ARHGEF4: variants seen among roughly 807,000 people sequenced by gnomAD.
The protein encoded by ARHGEF4 is Rho guanine nucleotide exchange factor 4.
In ARHGEF4, 119 loss-of-function variants were observed where a neutral mutation model predicts 162.0. The ratio of observed to expected loss-of-function variants is 0.73; its 90% confidence interval spans 0.63 to 0.86. The LOEUF is 0.86. Among genes scored for constraint, ARHGEF4 ranks in the 40% least tolerant of loss-of-function variants. ARHGEF4 has a pLI of 0.00. For synonymous variants in ARHGEF4, 1,014 were observed against 979.9 expected, an observed-to-expected ratio of 1.03 and a Z score of -0.65; for missense variants, 2,488 against 2,456.0, an observed-to-expected ratio of 1.01 and a Z score of -0.28.
intron 3 of ARHGEF4, among the ~76,000 whole-genome samples, chr2:130,934,687 C>T (rs1574258332): frequency 1.3e-5 from 2 of 152,124 alleles, no homozygotes; most frequent in African/African-American, 4.8e-5. Context: ...GGACTCCAGG[C>T]ATGCACTGCC....
At chr2:131,029,622 C>T (rs898984518) in intron 5 of ARHGEF4, among the ~76,000 whole-genome samples, 15 of 150,530 alleles carry the variant, frequency 1.0e-4, no homozygotes, top group Non-Finnish European at 1.9e-4. Context: ...ACAGTGGTCT[C>T]GGCTAACTGC....
chr2:130,929,120 G>A (rs1187039518), intron 2 of ARHGEF4, among the ~76,000 whole-genome samples: 2 of 152,284 alleles, frequency 1.3e-5, no homozygotes, highest in South Asian at 2.1e-4. Context: ...GAGGCAAGTC[G>A]CTTAAGTTCT....
At chr2:130,960,073 A>G (rs767841156) in intron 4 of ARHGEF4, among the ~76,000 whole-genome samples, 3 of 152,232 alleles carry the variant, frequency 2.0e-5, no homozygotes, top group Non-Finnish European at 2.9e-5. Flanking sequence ...CACAATATAT[A>G]TACAGTCATG....
chr2:131,007,871 G>GCACGAT (rs1688227447), intron 4 of ARHGEF4, among the ~76,000 whole-genome samples: 1 of 134,904 alleles, frequency 7.4e-6, no homozygotes, highest in Non-Finnish European at 1.5e-5. Context: ...GAGTGCAATG[G>GCACGAT]CACGATCTCA....
intron 4 of ARHGEF4, among the ~76,000 whole-genome samples, chr2:130,955,924 C>G (rs879409193): frequency 1.3e-5 from 2 of 152,182 alleles, no homozygotes; most frequent in Admixed American, 6.5e-5. Context: ...TCTCCATGCT[C>G]TGTTACAAAC....
At chr2:130,974,376 A>C (rs1685560462) in intron 4 of ARHGEF4, among the ~76,000 whole-genome samples, 1 of 152,074 alleles carries the variant, frequency 6.6e-6, no homozygotes, top group Admixed American at 6.5e-5. Flanking sequence ...CTTGCCCTAC[A>C]GGTTTTATTT....
intron 2 of ARHGEF4, among the ~76,000 whole-genome samples, chr2:130,920,433 T>C (rs1681802853): frequency 1.3e-5 from 2 of 152,160 alleles, no homozygotes; most frequent in South Asian, 2.1e-4. Context: ...GTATTCCTCT[T>C]TATGTTTCAT....
rs932195132 is a variant in ARHGEF4, at chr2:130,916,558, C to T, written c.2612C>T (p.Pro871Leu). 6 of 1,550,124 alleles carry T rather than the reference C, an allele frequency of 3.9e-6. No individual in the cohort carries two copies. The African/African-American group carries it at 8.2e-5, about 21-fold the overall frequency. Residue 871 changes from proline to leucine, a missense_variant, in exon 2 of 14, where the codon CCG (proline) becomes CTG (leucine). By Grantham distance (98) the Pro-to-Leu change is moderately conservative. Transcript: ENST00000409359. ...GCTGCAGGCGACAGGACTGCAGGGC[C>T]GGCAGGAGCGGGGCACACGGGGACC... ...PQAAGDRTAGPAGAGHTGTSG... is the reference protein window; with the variant it reads ...PQAAGDRTAGLAGAGHTGTSG...
At chr2:130,970,060 T>A (rs535600618) in intron 4 of ARHGEF4, among the ~76,000 whole-genome samples, 1 of 152,338 alleles carries the variant, frequency 6.6e-6, no homozygotes, top group East Asian at 1.9e-4. Flanking sequence ...CTCAGATTGT[T>A]CCTACTTTTA....
intron 1 of ARHGEF4, among the ~76,000 whole-genome samples, chr2:130,872,241 G>A (rs1035032711): frequency 1.3e-5 from 2 of 152,212 alleles, no homozygotes; most frequent in Non-Finnish European, 2.9e-5. Flanking sequence ...AAGCTTCAGG[G>A]AGCTGGCAGA....
chr2:130,886,124 T>A (rs1481342107), intron 1 of ARHGEF4, among the ~76,000 whole-genome samples: 1 of 152,050 alleles, frequency 6.6e-6, no homozygotes, highest in Non-Finnish European at 1.5e-5. Flanking sequence ...GAAATTATAT[T>A]CATTGGTTTT....
At position 131,046,768 on chromosome 2, in the gene ARHGEF4, G is replaced by C. The variant is rs573998094; in HGVS notation, c.*579G>C. 1.2e-4 allele frequency: 18 copies of C among 153,082 alleles called. No individual in the cohort carries two copies. Among genetic ancestry groups the C allele is most frequent in the Admixed American group, 1.2e-3 (18 of 15,312 alleles). 9.5% of individuals were successfully genotyped at this position (153,082 alleles called of 1,614,324 possible). A position where few individuals can be genotyped will look rare whatever the true frequency, so the allele number is the denominator to read the frequency against. ...TCGCCTCCCAGCCCCTCAAGACACC[G>C]CTGGCTGCTGGACACCCTCTTCACT... On this transcript the variant is annotated 3_prime_UTR_variant, in exon 14 of 14. Coordinates refer to ENST00000409359, the MANE Select transcript of ARHGEF4 (RefSeq NM_001367493.1).
Position 131,046,793 on chromosome 2 carries a change from TTGTG to T in ARHGEF4, c.*616_*619del, listed in dbSNP as rs148609479. On this transcript the variant is annotated 3_prime_UTR_variant, in exon 14 of 14. Transcript: ENST00000409359. ...GCTGGCTGCTGGACACCCTCTTCAC[TTGTG>T]TGTGTGTGTGTAGCGGAAAAGGACA... 3 of 152,206 alleles carry T rather than the reference TTGTG, an allele frequency of 2.0e-5. No individual in the cohort carries two copies. Among genetic ancestry groups the T allele is most frequent in the East Asian group, 1.9e-4 (1 of 5,170 alleles). The allele number at this position is 152,206 out of a possible 1,614,324, so 9.4% of individuals were successfully genotyped here.
chr2:130,979,865 G>A (rs531395308), intron 4 of ARHGEF4, among the ~76,000 whole-genome samples: 2 of 151,716 alleles, frequency 1.3e-5, no homozygotes, highest in African/African-American at 2.4e-5. Flanking sequence ...TTCAGGTAGC[G>A]AAAATTATAA....
In ARHGEF4 at chr2:130,978,998, C is replaced by T. The variant is rs537745810; in HGVS notation, c.3985+32363C>T. On this transcript the variant is annotated intron_variant, in intron 4 of 13. Coordinates refer to ENST00000409359, the MANE Select transcript of ARHGEF4 (RefSeq NM_001367493.1). ...CAAAGTTATCAGAAACCTGCACTCA[C>T]GAGTCCTTTTCAAGAACTCCTCCAA... is the stretch of plus-strand genomic sequence containing the variant. Among the ~76,000 whole-genome samples, 17 of 152,284 alleles carry T rather than the reference C, an allele frequency of 1.1e-4. 1 individual carries two copies. In the South Asian group the frequency reaches 2.7e-3, roughly 24 times the overall value.
intron 3 of ARHGEF4, among the ~76,000 whole-genome samples, chr2:130,945,510 C>A (rs1209742595): frequency 1.3e-5 from 2 of 151,998 alleles, no homozygotes; most frequent in Admixed American, 6.6e-5. Context: ...AAATACACAT[C>A]CCTCATTCCC....
chr2:131,006,524 A>G (rs996463689), intron 4 of ARHGEF4, among the ~76,000 whole-genome samples: 2 of 152,224 alleles, frequency 1.3e-5, no homozygotes, highest in Non-Finnish European at 2.9e-5. Context: ...CCATTAGGGA[A>G]TGCCATCCAG....
Position 130,916,374 on chromosome 2 carries a change from A to C in ARHGEF4, c.2428A>C (p.Ser810Arg), listed in dbSNP as rs577790066. 8.5e-6 allele frequency: 13 copies of C among 1,535,178 alleles called. No individual in the cohort carries two copies. Among genetic ancestry groups the C allele is most frequent in the South Asian group, 4.8e-5 (4 of 82,880 alleles). Residue 810 changes from serine to arginine, a missense_variant, in exon 2 of 14, where the codon AGC becomes CGC. Around this residue, in one of 6 missense-constraint regions of ARHGEF4, gnomAD observed 1,642 missense variants for 1,481.5 expected, o/e 1.11. Transcript: ENST00000409359. ...FRKGRPLATE[S>R]PGGVPAPTTE... ...GAAGGGCAGGCCCTTGGCCACTGAGAGCCCAGGAGGGGTCCCGGCCCCGAC... is the reference window on the plus strand; with the variant it reads ...GAAGGGCAGGCCCTTGGCCACTGAGCGCCCAGGAGGGGTCCCGGCCCCGAC...
At chr2:130,856,209 A>C (rs1681774547) in intron 1 of ARHGEF4, among the ~76,000 whole-genome samples, 1 of 152,222 alleles carries the variant, frequency 6.6e-6, no homozygotes, top group South Asian at 2.1e-4. Context: ...CCAAATAGAA[A>C]TTAACCAAAT....
Sources: allele counts gnomAD v4.1 joint callset (sites outside exome capture counted in the v4.1 genomes callset), GRCh38; gene constraint gnomAD v4.1.1; regional missense constraint gnomAD v4.1.1; transcripts MANE v1.5; gene names NCBI Gene and HGNC (gene_info 2026-07-23, HGNC 2026-07-21).